TOMM20: variants seen among roughly 807,000 people sequenced by gnomAD.
TOMM20 encodes the protein mitochondrial import receptor subunit TOM20 homolog.
TOMM20 carries 10 observed loss-of-function variants against 22.1 expected under a neutral mutation model. That is an observed-to-expected ratio of 0.45 (90% CI 0.28 to 0.77). The LOEUF is 0.77. Ranked by LOEUF, TOMM20 falls within the 30% of genes least tolerant of loss-of-function variation. The probability of loss-of-function intolerance (pLI) is 0.13; values close to 1 mark genes in which losing one functional copy is unlikely to be tolerated. For missense variants in TOMM20, 121 were observed against 172.2 expected (o/e 0.70, Z 1.66); for synonymous variants, 55 against 61.4 (o/e 0.90, Z 0.49).
chr1:235,113,063 C>T (rs973059816), intron 4 of TOMM20, among the ~76,000 whole-genome samples: 1 of 152,172 alleles, frequency 6.6e-6, no homozygotes, highest in Non-Finnish European at 1.5e-5. Flanking sequence ...TACTTCCTAT[C>T]ATCATTCACT....
intron 1 of TOMM20, among the ~76,000 whole-genome samples, chr1:235,123,762 G>A (rs1291980648): frequency 6.6e-6 from 1 of 152,172 alleles, no homozygotes; most frequent in Non-Finnish European, 1.5e-5. Flanking sequence ...TAACTGTGGG[G>A]AAAAAGGATA....
Position 235,109,814 on chromosome 1 carries a change from T to C in TOMM20, c.*2250A>G, listed in dbSNP as rs1423719051. The C allele has an allele frequency of 6.6e-6, 1 of 152,248 alleles. No individual in the cohort carries two copies. Among genetic ancestry groups the C allele is most frequent in the Non-Finnish European group, 1.5e-5 (1 of 68,046 alleles). The allele number at this position is 152,248 out of a possible 1,614,324, so 9.4% of individuals were successfully genotyped here. A position where few individuals can be genotyped will look rare whatever the true frequency, so the allele number is the denominator to read the frequency against. On this transcript the variant is annotated 3_prime_UTR_variant, in exon 5 of 5. Coordinates refer to ENST00000366607, the MANE Select transcript of TOMM20 (RefSeq NM_014765.3). ...TCCATTTCCAAAGTTTTTTAGTAAGTGTGCAACATTAGCACATGGAAACGC... is the reference window on the plus strand; with the variant it reads ...TCCATTTCCAAAGTTTTTTAGTAAGCGTGCAACATTAGCACATGGAAACGC...
intron 1 of TOMM20, among the ~76,000 whole-genome samples, chr1:235,125,536 A>C (rs1228317143): frequency 6.6e-6 from 1 of 151,882 alleles, no homozygotes; most frequent in Non-Finnish European, 1.5e-5. Context: ...TCTTCTTAAC[A>C]AAAAAGAAAG....
rs1489842719 is a variant in TOMM20 at position 235,109,849 on chromosome 1, G to A, written c.*2215C>T. The A allele has an allele frequency of 1.3e-5, 2 of 152,218 alleles. No individual in the cohort carries two copies. The highest frequency in any genetic ancestry group is 2.9e-5 in the Non-Finnish European group (2 of 68,052). The allele number at this position is 152,218 out of a possible 1,614,324, so 9.4% of individuals were successfully genotyped here. On this transcript the variant is annotated 3_prime_UTR_variant, in exon 5 of 5. Transcript: ENST00000366607. ...TAGCACATGGAAACGCTCAAGCTGT[G>A]TATTAGTTCACTGAGATCTGGGGTT...
chr1:235,125,915 A>G (rs966973789), intron 1 of TOMM20, among the ~76,000 whole-genome samples: 1 of 150,216 alleles, frequency 6.7e-6, no homozygotes. Context: ...ACGCCCAGCT[A>G]ATTTTTTTTT....
chr1:235,116,941 C>A (rs965736194), intron 3 of TOMM20, among the ~76,000 whole-genome samples: 2 of 150,064 alleles, frequency 1.3e-5, no homozygotes, highest in African/African-American at 2.5e-5. Flanking sequence ...CGAGACCATC[C>A]TGGCTAACAT....
At chr1:235,126,099 A>G (rs1419424845) in intron 1 of TOMM20, among the ~76,000 whole-genome samples, 2 of 151,236 alleles carry the variant, frequency 1.3e-5, no homozygotes, top group African/African-American at 2.4e-5. Context: ...AAAGATAGAT[A>G]GATATAGATA....
chr1:235,115,481 G>C (rs1443808157), intron 3 of TOMM20, among the ~76,000 whole-genome samples: 1 of 151,964 alleles, frequency 6.6e-6, no homozygotes, highest in African/African-American at 2.4e-5. Flanking sequence ...ACAAAAATTA[G>C]CAGGGTGTGG....
At chr1:235,112,136 A>G in intron 4 of TOMM20, 28 bp from the exon 5 acceptor site, 1 of 1,547,028 alleles carries the variant, frequency 6.5e-7, no homozygotes, top group Non-Finnish European at 8.8e-7. Flanking sequence ...TAATTTTTTA[A>G]AGTGTCATAA....
chr1:235,111,327 T>G lies in TOMM20; in HGVS notation c.*737A>C, dbSNP rs547081524. 6.6e-6 allele frequency: 1 copy of G among 152,236 alleles called. No homozygotes were observed. Among genetic ancestry groups the G allele is most frequent in the Non-Finnish European group, 1.5e-5 (1 of 68,074 alleles). The allele number at this position is 152,236 out of a possible 1,614,324, so 9.4% of individuals were successfully genotyped here. A position where few individuals can be genotyped will look rare whatever the true frequency, so the allele number is the denominator to read the frequency against. On this transcript the variant is annotated 3_prime_UTR_variant, in exon 5 of 5. Coordinates refer to ENST00000366607, the MANE Select transcript of TOMM20 (RefSeq NM_014765.3). ...ACTTCAGTGATCAGCAGACGCATTC[T>G]CTCACGTAACAAATGGAGGGAAAGT...
chr1:235,128,532 C>G, intron 1 of TOMM20, 63 bp downstream of exon 1: 1 of 1,608,926 alleles, frequency 6.2e-7, no homozygotes, highest in Non-Finnish European at 8.5e-7. Context: ...GGCAATGACC[C>G]CTCCTGTGAA....
At chr1:235,116,960 C>A (rs901781841) in intron 3 of TOMM20, among the ~76,000 whole-genome samples, 3 of 150,354 alleles carry the variant, frequency 2.0e-5, no homozygotes, top group South Asian at 2.1e-4. Flanking sequence ...ATGGTGAAAC[C>A]CCGTCTCTAC....
chr1:235,112,069 C>T lies in TOMM20; in HGVS notation c.433G>A (p.Glu145Lys). 6.2e-7 allele frequency: 1 copy of T among 1,604,662 alleles called. No homozygotes were observed. Among genetic ancestry groups the T allele is most frequent in the Non-Finnish European group, 8.5e-7 (1 of 1,177,112 alleles). Reference sequence around the variant, plus strand: ...ATTATGTTGACATTTGTTTCTCATTCCACATCATCTTCAGCCAAGCTCTGA... The same window carrying T: ...ATTATGTTGACATTTGTTTCTCATTTCACATCATCTTCAGCCAAGCTCTGA... ...SAQSLAEDDVE is the reference protein window; with the variant it reads ...SAQSLAEDDVK The change falls in exon 5 of 5, where the codon GAA becomes AAA. Residue 145 changes from glutamate to lysine, a missense_variant. By Grantham distance (56) the Glu-to-Lys change is moderately conservative. Coordinates refer to ENST00000366607, the MANE Select transcript of TOMM20 (RefSeq NM_014765.3).
chr1:235,112,344 TTA>T (rs1328354738), intron 4 of TOMM20, among the ~76,000 whole-genome samples: 4 of 152,050 alleles, frequency 2.6e-5, no homozygotes, highest in African/African-American at 4.8e-5. Context: ...GATCATTACA[TTA>T]TATATGTTTT....
At chr1:235,126,016 A>G (rs1661011962) in intron 1 of TOMM20, among the ~76,000 whole-genome samples, 1 of 151,668 alleles carries the variant, frequency 6.6e-6, no homozygotes, top group Admixed American at 6.6e-5. Flanking sequence ...TTGGCCTCCC[A>G]AAGTGCTGGG....
At chr1:235,112,214 A>C in intron 4 of TOMM20, 106 bp from the exon 5 acceptor site, 2 of 894,658 alleles carry the variant, frequency 2.2e-6, no homozygotes, top group Non-Finnish European at 3.4e-6. Flanking sequence ...ATCTTAGTAA[A>C]GTTCACCCAT....
Position 235,110,482 on chromosome 1 carries a change from A to G in TOMM20, c.*1582T>C, listed in dbSNP as rs1171299627. On this transcript the variant is annotated 3_prime_UTR_variant, in exon 5 of 5. Coordinates refer to ENST00000366607, the MANE Select transcript of TOMM20 (RefSeq NM_014765.3). ...CATGTCTGTACTGGTCATCCCCCCA[A>G]AAAAGCCCTCCTGTGTAACAAAAAA... The G allele has an allele frequency of 6.6e-6, 1 of 152,240 alleles. No individual in the cohort carries two copies. Among genetic ancestry groups the G allele is most frequent in the Non-Finnish European group, 1.5e-5 (1 of 68,088 alleles). 9.4% of individuals were successfully genotyped at this position (152,240 alleles called of 1,614,324 possible).
intron 1 of TOMM20, chr1:235,127,678 C>A (rs1661047691): frequency 2.6e-6 from 1 of 378,846 alleles, no homozygotes; most frequent in Non-Finnish European, 5.2e-6. Flanking sequence ...CCAAGATAAG[C>A]CAAAAAATAT....
chr1:235,115,920 C>A (rs1660820142), intron 3 of TOMM20, among the ~76,000 whole-genome samples: 1 of 152,214 alleles, frequency 6.6e-6, no homozygotes, highest in Non-Finnish European at 1.5e-5. Flanking sequence ...CAACCCACTA[C>A]ATGTACATGT....
Sources: allele counts gnomAD v4.1 joint callset (sites outside exome capture counted in the v4.1 genomes callset), GRCh38; gene constraint gnomAD v4.1.1; transcripts MANE v1.5; gene names NCBI Gene and HGNC (gene_info 2026-07-23, HGNC 2026-07-21).